The following SH3KBP1 variants were observed in gnomAD, a reference collection of about 807,000 sequenced individuals.
SH3KBP1 encodes SH3 domain-containing kinase-binding protein 1.
In SH3KBP1, 8 loss-of-function variants were observed where a neutral mutation model predicts 50.1. That is an observed-to-expected ratio of 0.16 (90% CI 0.09 to 0.29). The LOEUF (loss-of-function observed/expected upper bound fraction) is 0.29, where lower values mean the gene tolerates loss of function less well. Ranked by LOEUF, SH3KBP1 falls within the 10% of genes least tolerant of loss-of-function variation. The pLI, the probability that SH3KBP1 is intolerant of heterozygous loss-of-function variation, is 1.00. For missense variants in SH3KBP1, 377 were observed against 535.2 expected (o/e 0.70, Z 2.92); for synonymous variants, 227 against 218.6 (o/e 1.04, Z -0.34).
At chrX:19,852,496 C>A (rs995312172) in intron 1 of SH3KBP1, among the ~76,000 whole-genome samples, 2 of 110,667 alleles carry the variant, frequency 1.8e-5, no homozygotes, top group Non-Finnish European at 3.8e-5. Flanking sequence ...AAGAATCCAA[C>A]TCCCAGAGAG....
chrX:19,669,520 G>C (rs949876442), intron 6 of SH3KBP1, among the ~76,000 whole-genome samples: 9 of 110,390 alleles, frequency 8.2e-5, no homozygotes, highest in African/African-American at 3.0e-4. Context: ...GGCCCTAGCT[G>C]CTGAGACTTT....
intron 8 of SH3KBP1, among the ~76,000 whole-genome samples, chrX:19,616,366 A>C (rs769000249): frequency 3.6e-5 from 4 of 112,000 alleles, no homozygotes; most frequent in Non-Finnish European, 7.5e-5. Flanking sequence ...AGGCTTTGCT[A>C]TACTAACTTT....
chrX:19,851,403 T>C (rs1479375159), intron 1 of SH3KBP1, among the ~76,000 whole-genome samples: 2 of 112,871 alleles, frequency 1.8e-5, no homozygotes, highest in African/African-American at 6.4e-5. Context: ...CCAGATCTAA[T>C]TACATGTGAT....
chrX:19,696,299 C>T (rs765296787), intron 4 of SH3KBP1, among the ~76,000 whole-genome samples: 3 of 111,961 alleles, frequency 2.7e-5, no homozygotes, highest in Non-Finnish European at 3.8e-5. Context: ...TAATCTTATG[C>T]GTTTTATTTT....
chrX:19,537,821 C>CTT (rs762739943), intron 16 of SH3KBP1, 41 bp from the exon 17 acceptor site: 1 of 1,066,031 alleles, frequency 9.4e-7, no homozygotes, highest in African/African-American at 1.9e-5. Flanking sequence ...AAATCCCAGA[C>CTT]TTCCTTCATC....
chrX:19,570,748 G>A (rs1255517936), intron 12 of SH3KBP1, among the ~76,000 whole-genome samples: 1 of 111,522 alleles, frequency 9.0e-6, no homozygotes, highest in Non-Finnish European at 1.9e-5. Context: ...TTGGGCCCAG[G>A]AGTTTGGGAC....
In SH3KBP1 at chrX:19,857,950, G is replaced by C. The variant is rs1014588775; in HGVS notation, c.5-21668C>G. On this transcript the variant is annotated intron_variant, in intron 1 of 17. Transcript: ENST00000397821. ...TCCTACCATTTCAGGAGGCCGAGGC[G>C]GGTGGATCACTTGAGGTCAGGAGTT... Among the ~76,000 whole-genome samples the C allele has an allele frequency of 3.6e-5, 4 of 110,937 alleles. No individual in the cohort carries two copies. The East Asian group carries it at 8.5e-4, about 23-fold the overall frequency.
chrX:19,667,203 T>C (rs890113630), intron 6 of SH3KBP1, among the ~76,000 whole-genome samples: 1 of 111,630 alleles, frequency 9.0e-6, no homozygotes, highest in African/African-American at 3.3e-5. Flanking sequence ...GTAGGAGGCA[T>C]GGGAGGTTAT....
chrX:19,592,801 T>C (rs1040468642), intron 10 of SH3KBP1, among the ~76,000 whole-genome samples: 64 of 112,775 alleles, frequency 5.7e-4, no homozygotes, highest in Middle Eastern at 4.6e-3. Context: ...CACATACAGA[T>C]GCTCCAGCCT....
chrX:19,663,924 A>C (rs1015309624), intron 6 of SH3KBP1, among the ~76,000 whole-genome samples: 1 of 111,819 alleles, frequency 8.9e-6, no homozygotes, highest in Non-Finnish European at 1.9e-5. Context: ...CATCTCCACA[A>C]AAAATTTAAA....
intron 1 of SH3KBP1, among the ~76,000 whole-genome samples, chrX:19,862,877 G>A (rs1348690002): frequency 8.9e-6 from 1 of 112,040 alleles, no homozygotes; most frequent in Admixed American, 9.5e-5. Flanking sequence ...TTGCACCAGA[G>A]TTGGTTAATT....
intron 12 of SH3KBP1, among the ~76,000 whole-genome samples, chrX:19,571,329 C>T (rs1016178407): frequency 8.9e-6 from 1 of 111,937 alleles, no homozygotes; most frequent in African/African-American, 3.3e-5. Flanking sequence ...CTCACCCTAA[C>T]TTCCTAAGGC....
chrX:19,764,577 C>T (rs1365301674), intron 2 of SH3KBP1, among the ~76,000 whole-genome samples: 3 of 111,330 alleles, frequency 2.7e-5, no homozygotes, highest in African/African-American at 6.5e-5. Flanking sequence ...GGAAGGGAAA[C>T]GTTTTCTAAA....
rs148220985 is a variant in SH3KBP1, at chrX:19,705,160, T to C, written c.390+1721A>G. ...ATTTAATTAACAGTCGAGTGGAACA[T>C]TTTCTTGTGGTTAAGACTTTTTTCT... On this transcript the variant is annotated intron_variant, in intron 4 of 17. Transcript: ENST00000397821. Among the ~76,000 whole-genome samples the C allele has an allele frequency of 3.6e-3, 402 of 112,435 alleles. 1 individual carries two copies. The highest frequency in any genetic ancestry group is 0.012 in the African/African-American group (364 of 30,955).
chrX:19,613,221 C>T (rs2067485854), intron 8 of SH3KBP1, among the ~76,000 whole-genome samples: 1 of 112,346 alleles, frequency 8.9e-6, no homozygotes, highest in African/African-American at 3.2e-5. Flanking sequence ...CCAAGTACTA[C>T]AATTTGTTTC....
chrX:19,611,612 C>T (rs1298651285), intron 8 of SH3KBP1, among the ~76,000 whole-genome samples: 2 of 111,741 alleles, frequency 1.8e-5, no homozygotes, highest in African/African-American at 3.3e-5. Flanking sequence ...CCTTGGCCTC[C>T]CAAAGTGCTG....
intron 6 of SH3KBP1, among the ~76,000 whole-genome samples, chrX:19,650,017 C>G (rs776924874): frequency 8.9e-6 from 1 of 111,803 alleles, no homozygotes; most frequent in Non-Finnish European, 1.9e-5. Flanking sequence ...AGAAGAAAAT[C>G]TCTGAAAATC....
At chrX:19,663,872 C>T (rs1484751430) in intron 6 of SH3KBP1, among the ~76,000 whole-genome samples, 2 of 112,022 alleles carry the variant, frequency 1.8e-5, no homozygotes, top group African/African-American at 3.2e-5. Flanking sequence ...GACCACCTGA[C>T]GCCAGGAGTT....
intron 12 of SH3KBP1, among the ~76,000 whole-genome samples, chrX:19,584,301 T>A (rs5909318): frequency 0.28 from 26,336 of 92,805 alleles, 3,756 homozygotes; most frequent in African/African-American, 0.55. Flanking sequence ...ATATTTATAT[T>A]TATAAATATG....
Sources: allele counts gnomAD v4.1 joint callset (sites outside exome capture counted in the v4.1 genomes callset), GRCh38; gene constraint gnomAD v4.1.1; transcripts MANE v1.5; gene names NCBI Gene and HGNC (gene_info 2026-07-23, HGNC 2026-07-21).